Variants in NAALADL2 observed in about 807,000 individuals in gnomAD.
The protein encoded by NAALADL2 is inactive N-acetylated-alpha-linked acidic dipeptidase-like protein 2.
Under a neutral mutation model 87.2 loss-of-function variants are expected in NAALADL2, and 76 were observed. The observed-to-expected ratio is 0.87, with a 90% CI of 0.72 to 1.05. The LOEUF is 1.05. Ranked by LOEUF, NAALADL2 falls within the 50% of genes least tolerant of loss-of-function variation. The probability of loss-of-function intolerance (pLI) is 0.00; values close to 1 mark genes in which losing one functional copy is unlikely to be tolerated. For missense variants in NAALADL2, 1,089 were observed against 945.8 expected, an observed-to-expected ratio of 1.15 and a Z score of -1.99; for synonymous variants, 354 against 331.0, an observed-to-expected ratio of 1.07 and a Z score of -0.75.
intron 10 of NAALADL2, 102 bp from the exon 11 acceptor site, chr3:175,627,189 G>A (rs1727101340): frequency 1.2e-6 from 1 of 864,344 alleles, no homozygotes; most frequent in Admixed American, 2.6e-5. Flanking sequence ...GAAACCTTAA[G>A]GCAATTTAGA....
intron 2 of NAALADL2, among the ~76,000 whole-genome samples, chr3:175,133,630 G>T (rs568058096): frequency 6.6e-6 from 1 of 152,202 alleles, no homozygotes; most frequent in African/African-American, 2.4e-5. Context: ...GCTGAGGCAG[G>T]CGAATCAGGC....
chr3:175,504,356 G>A (rs967018180), intron 9 of NAALADL2, among the ~76,000 whole-genome samples: 5 of 152,138 alleles, frequency 3.3e-5, no homozygotes, highest in Admixed American at 2.0e-4. Context: ...ATTTTGGGGG[G>A]CCAGGGTGAA....
intron 4 of NAALADL2, among the ~76,000 whole-genome samples, chr3:175,267,225 A>T (rs1367345342): frequency 6.6e-6 from 1 of 152,054 alleles, no homozygotes; most frequent in Non-Finnish European, 1.5e-5. Flanking sequence ...TGTGGTTTTA[A>T]GAAAATCTTA....
rs71312316 is a variant in NAALADL2 at position 175,181,599 on chromosome 3, G to T, written c.546-52332G>T. Among the ~76,000 whole-genome samples the T allele has an allele frequency of 7.8e-3, 1,167 of 150,366 alleles. 2 individuals carry two copies. The highest frequency in any genetic ancestry group is 0.023 in the South Asian group (109 of 4,770). ...TTCTGTACCTGGCTTATTTCAGTTAGCATGTCTTCCAGGTTCATCCATGTT... is the reference window on the plus strand; with the variant it reads ...TTCTGTACCTGGCTTATTTCAGTTATCATGTCTTCCAGGTTCATCCATGTT... On this transcript the variant is annotated intron_variant, in intron 2 of 13. Transcript: ENST00000454872.
At chr3:175,077,486 C>T (rs996117839) in intron 1 of NAALADL2, among the ~76,000 whole-genome samples, 1 of 151,970 alleles carries the variant, frequency 6.6e-6, no homozygotes, top group Non-Finnish European at 1.5e-5. Flanking sequence ...TATGGGAAAT[C>T]AGAAAAAAAT....
chr3:175,264,665 A>T (rs1021429121), intron 4 of NAALADL2, among the ~76,000 whole-genome samples: 2 of 151,764 alleles, frequency 1.3e-5, no homozygotes, highest in Admixed American at 1.3e-4. Context: ...TAATGTTAAA[A>T]ATAAATATAA....
intron 3 of NAALADL2, among the ~76,000 whole-genome samples, chr3:174,805,473 A>T (rs1332298675): frequency 6.6e-6 from 1 of 152,156 alleles, no homozygotes; most frequent in Non-Finnish European, 1.5e-5. Context: ...GGCATAAAAC[A>T]TACACCTTTA....
At chr3:175,678,139 T>C (rs1735076040) in intron 11 of NAALADL2, among the ~76,000 whole-genome samples, 1 of 152,318 alleles carries the variant, frequency 6.6e-6, no homozygotes, top group Admixed American at 6.5e-5. Context: ...TTTTGTTCTG[T>C]CTCTTAAAAA....
chr3:174,710,323 C>A (rs763474400), intron 2 of NAALADL2, among the ~76,000 whole-genome samples: 1 of 149,402 alleles, frequency 6.7e-6, no homozygotes, highest in East Asian at 2.0e-4. Context: ...GGCGCGATCT[C>A]GGCTCACTGC....
chr3:175,009,470 T>C (rs939139749), intron 1 of NAALADL2, among the ~76,000 whole-genome samples: 12 of 152,184 alleles, frequency 7.9e-5, no homozygotes, highest in Non-Finnish European at 1.5e-4. Flanking sequence ...GATGTAATCA[T>C]TGAGCAGTAA....
chr3:175,025,585 CTG>C (rs1752129356), intron 1 of NAALADL2, among the ~76,000 whole-genome samples: 1 of 152,094 alleles, frequency 6.6e-6, no homozygotes, highest in Admixed American at 6.5e-5. Flanking sequence ...AAACTACTAA[CTG>C]TTTATTTCCA....
At chr3:175,038,252 A>C (rs1411687604) in intron 1 of NAALADL2, among the ~76,000 whole-genome samples, 1 of 152,148 alleles carries the variant, frequency 6.6e-6, no homozygotes, top group Non-Finnish European at 1.5e-5. Context: ...AAAACACAAA[A>C]TTTTAGAGAT....
At chr3:175,255,684 G>GT in intron 3 of NAALADL2, among the ~76,000 whole-genome samples, 1 of 152,122 alleles carries the variant, frequency 6.6e-6, no homozygotes, top group Non-Finnish European at 1.5e-5. Flanking sequence ...ACAAGAGAAG[G>GT]TTTTTATTGA....
At chr3:174,582,743 G>A (rs1039761402) in intron 2 of NAALADL2, among the ~76,000 whole-genome samples, 10 of 151,960 alleles carry the variant, frequency 6.6e-5, no homozygotes, top group African/African-American at 2.2e-4. Flanking sequence ...CACCATGCCT[G>A]ACTAATTTTT....
intron 3 of NAALADL2, chr3:175,234,775 T>C (rs750772296): frequency 6.6e-6 from 1 of 152,064 alleles, no homozygotes; most frequent in Non-Finnish European, 1.5e-5. Context: ...TAGAGCCACA[T>C]GGACTAGTTT....
chr3:175,700,838 A>G (rs565949575), intron 11 of NAALADL2, among the ~76,000 whole-genome samples: 1 of 152,256 alleles, frequency 6.6e-6, no homozygotes, highest in East Asian at 1.9e-4. Context: ...TATACTTATC[A>G]TGGAAAAAAA....
chr3:175,582,015 A>G (rs993832832), intron 10 of NAALADL2, among the ~76,000 whole-genome samples: 2 of 152,200 alleles, frequency 1.3e-5, no homozygotes, highest in Admixed American at 1.3e-4. Context: ...CTGTGCTTCT[A>G]CAAAGAATTC....
chr3:175,138,489 C>G (rs1729468546), intron 2 of NAALADL2, among the ~76,000 whole-genome samples: 1 of 151,834 alleles, frequency 6.6e-6, no homozygotes, highest in African/African-American at 2.4e-5. Context: ...ATTTGTTTTC[C>G]TAATCATTTG....
At chr3:175,076,033 G>A (rs1036942687) in intron 1 of NAALADL2, among the ~76,000 whole-genome samples, 2 of 151,978 alleles carry the variant, frequency 1.3e-5, no homozygotes, top group African/African-American at 4.8e-5. Flanking sequence ...TTCAAGACCA[G>A]CCTGGGCAAC....
Sources: allele counts gnomAD v4.1 joint callset (sites outside exome capture counted in the v4.1 genomes callset), GRCh38; gene constraint gnomAD v4.1.1; transcripts MANE v1.5; gene names NCBI Gene and HGNC (gene_info 2026-07-23, HGNC 2026-07-21).